The following GAN variants were observed in gnomAD, a reference collection of about 807,000 sequenced individuals.
GAN encodes the protein epididymis secretory sperm binding protein.
GAN carries 48 observed loss-of-function variants against 71.3 expected under a neutral mutation model. That is an observed-to-expected ratio of 0.67 (90% CI 0.53 to 0.86). The LOEUF is 0.86. Among genes scored for constraint, GAN ranks in the 40% least tolerant of loss-of-function variants. GAN has a pLI of 0.00. For missense variants in GAN, 928 were observed against 770.1 expected, an observed-to-expected ratio of 1.21 and a Z score of -2.43; for synonymous variants, 386 against 276.8, an observed-to-expected ratio of 1.39 and a Z score of -3.92.
At chr16:81,365,325 G>C (rs770320474) in intron 8 of GAN, 25 bp from the exon 9 acceptor site, 4 of 1,613,388 alleles carry the variant, frequency 2.5e-6, no homozygotes, top group African/African-American at 2.7e-5. Context: ...GCTTGTGCCT[G>C]ATAACGCTGT....
At chr16:81,315,799 G>T (rs572911693) in intron 1 of GAN, among the ~76,000 whole-genome samples, 1 of 152,386 alleles carries the variant, frequency 6.6e-6, no homozygotes, top group South Asian at 2.1e-4. Flanking sequence ...CGCCCTGCCC[G>T]CTGGGAGGCC....
chr16:81,377,101 G>A (rs1476872271), intron 9 of GAN, 118 bp from the exon 10 acceptor site: 5 of 783,358 alleles, frequency 6.4e-6, no homozygotes, highest in South Asian at 2.7e-5. Context: ...ACGTGGGGTC[G>A]AGATTGGCAC....
At chr16:81,337,769 C>A (rs528575194) in intron 1 of GAN, among the ~76,000 whole-genome samples, 1 of 152,184 alleles carries the variant, frequency 6.6e-6, no homozygotes, top group African/African-American at 2.4e-5. Flanking sequence ...AATATTGTTT[C>A]ACTTCCTGCT....
chr16:81,385,288 C>G lies in GAN; in HGVS notation c.*7692C>G, dbSNP rs1904366667. 6.6e-6 allele frequency: 1 copy of G among 152,168 alleles called. No individual in the cohort carries two copies. The highest frequency in any genetic ancestry group is 1.5e-5 in the Non-Finnish European group (1 of 68,038). The allele number at this position is 152,168 out of a possible 1,614,324, so 9.4% of individuals were successfully genotyped here. On this transcript the variant is annotated 3_prime_UTR_variant, in exon 11 of 11. Coordinates refer to ENST00000648994, the MANE Select transcript of GAN (RefSeq NM_022041.4). ...TTCCTGGAAGTGATTTCCATGAGAA[C>G]AAAGGCTTATTCCTTTAACTTAAAC... is the stretch of plus-strand genomic sequence containing the variant.
intron 1 of GAN, among the ~76,000 whole-genome samples, chr16:81,341,569 G>A (rs527771272): frequency 1.9e-3 from 289 of 152,282 alleles, no homozygotes; most frequent in Non-Finnish European, 3.6e-3. Flanking sequence ...ATCCTTTACA[G>A]ACAAGCAAAT....
intron 3 of GAN, 30 bp from the exon 4 acceptor site, chr16:81,356,755 T>G (rs374192440): frequency 3.5e-6 from 5 of 1,435,796 alleles, no homozygotes; most frequent in Non-Finnish European, 4.9e-6. Flanking sequence ...TTCCATTGTT[T>G]TCGCCCCATC....
At chr16:81,336,739 A>C (rs1567483987) in intron 1 of GAN, among the ~76,000 whole-genome samples, 1 of 152,042 alleles carries the variant, frequency 6.6e-6, no homozygotes, top group Non-Finnish European at 1.5e-5. Flanking sequence ...CGGCCTCCAA[A>C]AGTGTTGGGA....
Position 81,318,240 on chromosome 16 carries a change from A to C in GAN, c.167+2960A>C, listed in dbSNP as rs538317937. On this transcript the variant is annotated intron_variant, in intron 1 of 10. Coordinates refer to ENST00000648994, the MANE Select transcript of GAN (RefSeq NM_022041.4). ...AAGCATTTAGATCTGTGATATCATT[A>C]ATCTGTGAATTGAATGTTCAAAAGT... 7.1e-4 allele frequency among the ~76,000 whole-genome samples: 108 copies of C among 152,328 alleles called. 1 individual carries two copies. Among genetic ancestry groups the C allele is most frequent in the African/African-American group, 2.4e-3 (101 of 41,582 alleles).
intron 5 of GAN, among the ~76,000 whole-genome samples, chr16:81,360,777 C>T (rs1910647407): frequency 6.6e-6 from 1 of 151,944 alleles, no homozygotes; most frequent in South Asian, 2.1e-4. Context: ...TATTCTTCAT[C>T]ACCCAACTTG....
Position 81,380,132 on chromosome 16 carries a change from G to A in GAN, c.*2536G>A, listed in dbSNP as rs533570922. 3 of 152,600 alleles carry A rather than the reference G, an allele frequency of 2.0e-5. No homozygotes were observed. The South Asian group carries it at 6.2e-4, about 32-fold the overall frequency. 9.5% of individuals were successfully genotyped at this position (152,600 alleles called of 1,614,324 possible). ...CTCCAACATTAATCATGACTCTTTTGTAAATTACAGTTATTTCAGTATTGT... is the reference window on the plus strand; with the variant it reads ...CTCCAACATTAATCATGACTCTTTTATAAATTACAGTTATTTCAGTATTGT... On this transcript the variant is annotated 3_prime_UTR_variant, in exon 11 of 11. Coordinates refer to ENST00000648994, the MANE Select transcript of GAN (RefSeq NM_022041.4).
chr16:81,360,068 T>TAGATGGAC (rs1555511539), intron 5 of GAN, among the ~76,000 whole-genome samples: 13,881 of 145,788 alleles, frequency 0.095, 1,272 homozygotes, highest in Admixed American at 0.12. Context: ...GATGGATGGA[T>TAGATGGAC]AGATGGATGG....
chr16:81,376,721 C>T (rs1359073724), intron 9 of GAN, among the ~76,000 whole-genome samples: 1 of 151,844 alleles, frequency 6.6e-6, no homozygotes, highest in East Asian at 1.9e-4. Flanking sequence ...CACACACACA[C>T]ACAGGAATTA....
chr16:81,335,287 A>C (rs567477924), intron 1 of GAN, among the ~76,000 whole-genome samples: 16 of 152,236 alleles, frequency 1.1e-4, no homozygotes, highest in Admixed American at 1.3e-4. Context: ...TCTCCTGAAC[A>C]TTCTGAGAAG....
At chr16:81,330,316 A>G (rs1366475659) in intron 1 of GAN, among the ~76,000 whole-genome samples, 1 of 152,264 alleles carries the variant, frequency 6.6e-6, no homozygotes, top group Non-Finnish European at 1.5e-5. Flanking sequence ...GGCAGGAAAA[A>G]GACACCAAGA....
intron 1 of GAN, among the ~76,000 whole-genome samples, chr16:81,337,652 C>CCCTTTCAT (rs1175955122): frequency 6.6e-6 from 1 of 152,220 alleles, no homozygotes; most frequent in Admixed American, 6.5e-5. Context: ...AGTTGTAGAC[C>CCCTTTCAT]CCTTTCATGG....
intron 5 of GAN, among the ~76,000 whole-genome samples, chr16:81,360,290 G>C (rs2150689038): frequency 6.6e-6 from 1 of 152,244 alleles, no homozygotes; most frequent in East Asian, 1.9e-4. Context: ...GCCTGCAAAT[G>C]TCATTATTTT....
rs185819393 is a variant in GAN at position 81,316,704 on chromosome 16, T to G, written c.167+1424T>G. On this transcript the variant is annotated intron_variant, in intron 1 of 10. Transcript: ENST00000648994. ...TATAGTTCTTTAAATGGCATCCGTT[T>G]GGCTTAAAAGAAGTAAATTGCAAAT... Among the ~76,000 whole-genome samples the G allele has an allele frequency of 6.3e-3, 958 of 152,368 alleles. 4 individuals carry two copies. Among genetic ancestry groups the G allele is most frequent in the South Asian group, 0.017 (80 of 4,832 alleles).
intron 1 of GAN, among the ~76,000 whole-genome samples, chr16:81,324,008 C>T (rs1436513338): frequency 6.6e-6 from 1 of 152,146 alleles, no homozygotes; most frequent in African/African-American, 2.4e-5. Context: ...TTTTTTATAA[C>T]ATCCTTGTGT....
rs548704280 is a variant in GAN, at chr16:81,322,354, G to A, written c.167+7074G>A. On this transcript the variant is annotated intron_variant, in intron 1 of 10. Transcript: ENST00000648994. ...AGAGGAGATAAGACATCTCAGCAGC[G>A]GCTAGGTACTAGCAAGATGGTGGCA... 6.6e-5 allele frequency among the ~76,000 whole-genome samples: 10 copies of A among 152,284 alleles called. No homozygotes were observed. In the East Asian group the frequency reaches 9.6e-4, roughly 15 times the overall value.
Sources: allele counts gnomAD v4.1 joint callset (sites outside exome capture counted in the v4.1 genomes callset), GRCh38; gene constraint gnomAD v4.1.1; transcripts MANE v1.5; gene names NCBI Gene and HGNC (gene_info 2026-07-23, HGNC 2026-07-21).